The following ADH1C variants were observed in gnomAD, a reference collection of about 807,000 sequenced individuals.
ADH1C encodes alcohol dehydrogenase 1C (class I), gamma polypeptide.
A neutral mutation model predicts 35.0 loss-of-function variants in ADH1C; 26 were observed. That is an observed-to-expected ratio of 0.74 (90% CI 0.54 to 1.03). The LOEUF (loss-of-function observed/expected upper bound fraction) is 1.03. Ranked by LOEUF, ADH1C falls within the 50% of genes least tolerant of loss-of-function variation. The pLI is 0.00. For synonymous variants in ADH1C, 170 were observed against 169.3 expected (o/e 1.00, Z -0.03); for missense variants, 413 against 465.4 (o/e 0.89, Z 1.04).
Position 99,344,792 on chromosome 4 carries a change from A to G in ADH1C, c.567+70T>C, listed in dbSNP as rs551254289. On this transcript the variant is annotated intron_variant, in intron 5 of 8. Coordinates refer to ENST00000515683, the MANE Select transcript of ADH1C (RefSeq NM_000669.5). ...ACAAAAATAATTTCTGATTCTTGCA[A>G]GAAATTGCTTCCCTTTTGGTTCCTG... 7.6e-6 allele frequency: 12 copies of G among 1,581,026 alleles called. No homozygotes were observed. The South Asian group carries it at 1.2e-4, about 16-fold the overall frequency.
intron 1 of ADH1C, among the ~76,000 whole-genome samples, chr4:99,348,485 C>A (rs1234667096): frequency 6.6e-6 from 1 of 150,838 alleles, no homozygotes; most frequent in Non-Finnish European, 1.5e-5. Flanking sequence ...CATAGTATTC[C>A]ATGGTGTATA....
chr4:99,346,919 G>A (rs565220194), intron 3 of ADH1C, 87 bp downstream of exon 3: 35 of 1,548,094 alleles, frequency 2.3e-5, no homozygotes, highest in South Asian at 8.9e-5. Flanking sequence ...AAGTCCTTTC[G>A]TCTTTCATTG....
chr4:99,342,920 C>T lies in ADH1C; in HGVS notation c.703G>A (p.Glu235Lys). ...INKDKFAKAK[E>K]LGATECINPQ... is the part of the protein sequence containing the mutation. ...TTGATGCATTCAGTGGCACCCAACT[C>T]TTTAGCCTTTGCAAATTTGTCCTTG... Residue 235 changes from glutamate (E) to lysine (K), a missense_variant, in exon 6 of 9, where the codon GAG becomes AAG. Physicochemically the swap from Glu to Lys is moderately conservative, Grantham distance 56 (BLOSUM62 1). Transcript: ENST00000515683. 6.2e-7 allele frequency: 1 copy of T among 1,614,144 alleles called. No homozygotes were observed. Among genetic ancestry groups the T allele is most frequent in the Non-Finnish European group, 8.5e-7 (1 of 1,180,026 alleles).
In ADH1C at chr4:99,340,692, A is replaced by G. The variant is rs951933118; in HGVS notation, c.847T>C (p.Cys283Arg). The change falls in exon 7 of 9, where the codon TGT (cysteine) becomes CGT (arginine). Residue 283 changes from cysteine (C) to arginine (R), a missense_variant. Coordinates refer to ENST00000515683, the MANE Select transcript of ADH1C (RefSeq NM_000669.5). Reference protein sequence around the residue: ...LDTMMASLLCCHEACGTSVIV... With the variant: ...LDTMMASLLCRHEACGTSVIV... ...ACACTTGTGCCACATGCCTCATGAC[A>G]ACATAACAGGGAAGCCATCTGGAAT... The G allele has an allele frequency of 1.9e-6, 3 of 1,612,808 alleles. No individual in the cohort carries two copies. Among genetic ancestry groups the G allele is most frequent in the Admixed American group, 3.3e-5 (2 of 60,022 alleles).
intron 7 of ADH1C, among the ~76,000 whole-genome samples, chr4:99,340,050 T>C (rs1325860365): frequency 6.6e-6 from 1 of 152,212 alleles, no homozygotes; most frequent in African/African-American, 2.4e-5. Flanking sequence ...AGAAATTTCC[T>C]TGCCTTACGC....
At position 99,347,737 on chromosome 4, in the gene ADH1C, T is replaced by C; in HGVS notation, c.120+8A>G. 8.1e-6 allele frequency: 13 copies of C among 1,598,862 alleles called. No homozygotes were observed. The highest frequency in any genetic ancestry group is 1.2e-5 in the South Asian group (1 of 86,648). On this transcript the variant is annotated splice_region_variant and intron_variant, in intron 2 of 8. Coordinates refer to ENST00000515683, the MANE Select transcript of ADH1C (RefSeq NM_000669.5). ...TAAAATTAAATACAAATGGAAAAAGTATTTCACCTTAATGCGAACTTCATG... is the reference window on the plus strand; with the variant it reads ...TAAAATTAAATACAAATGGAAAAAGCATTTCACCTTAATGCGAACTTCATG...
At chr4:99,339,786 A>G in intron 7 of ADH1C, 71 bp from the exon 8 acceptor site, 2 of 1,474,836 alleles carry the variant, frequency 1.4e-6, no homozygotes, top group Non-Finnish European at 9.2e-7. Context: ...AGATTTTCCA[A>G]ATAAATGAAA....
At chr4:99,343,972 A>G (rs1734470413) in intron 5 of ADH1C, among the ~76,000 whole-genome samples, 1 of 152,188 alleles carries the variant, frequency 6.6e-6, no homozygotes, top group Non-Finnish European at 1.5e-5. Context: ...ACCAAGTGTT[A>G]TTCAATACTA....
At position 99,345,279 on chromosome 4, in the gene ADH1C, AAAAC is replaced by A. The variant is rs1734506659; in HGVS notation, c.260-17_260-14del. The A allele has an allele frequency of 1.1e-5, 18 of 1,607,650 alleles. No homozygotes were observed. The highest frequency in any genetic ancestry group is 1.5e-5 in the Non-Finnish European group (18 of 1,175,472). ...ATGACTTTATCACCTGCAGAGGAAT[AAAAC>A]AAATTCTTCTTAAATTTCTATGCAG... On this transcript the variant is annotated splice_polypyrimidine_tract_variant and intron_variant, in intron 3 of 8. Transcript: ENST00000515683.
chr4:99,344,411 G>A (rs923122097), intron 5 of ADH1C, among the ~76,000 whole-genome samples: 2 of 152,174 alleles, frequency 1.3e-5, no homozygotes, highest in African/African-American at 4.8e-5. Flanking sequence ...ATCAGGTAAG[G>A]TTTTGGACTC....
rs1314393727 is a variant in ADH1C at position 99,343,468 on chromosome 4, C to T, written c.568-413G>A. 1.3e-5 allele frequency among the ~76,000 whole-genome samples: 2 copies of T among 152,266 alleles called. 1 individual carries two copies. The highest frequency in any genetic ancestry group is 4.1e-4 in the South Asian group (2 of 4,824). On this transcript the variant is annotated intron_variant, in intron 5 of 8. Transcript: ENST00000515683. ...CTCAATTGCTGAAATCCCTTGATAG[C>T]CAGCTTCAGTATCTCATACATACAC...
intron 1 of ADH1C, among the ~76,000 whole-genome samples, chr4:99,348,805 T>G (rs2110662858): frequency 6.6e-6 from 1 of 152,300 alleles, no homozygotes; most frequent in Non-Finnish European, 1.5e-5. Context: ...CCTGACTTTT[T>G]AATGACTGCC....
rs1236028076 is a variant in ADH1C at position 99,345,241 on chromosome 4, A to T, written c.285T>A (p.Thr95=). ...KPGDKVIPLF[T]PQCGKCRICK... ...AAATTCTGCATTTTCCACACTGAGG[A>T]GTAAAGAGCGGGATGACTTTATCAC... The change falls in exon 4 of 9, where the codon ACT becomes ACA. Residue 95 remains threonine, a synonymous_variant. Transcript: ENST00000515683. The T allele has an allele frequency of 5.6e-6, 9 of 1,613,930 alleles. No homozygotes were observed. In the Admixed American group the frequency reaches 8.3e-5, roughly 15 times the overall value.
chr4:99,352,617 G>A (rs755298886), intron 1 of ADH1C, 41 bp downstream of exon 1: 2 of 1,525,678 alleles, frequency 1.3e-6, no homozygotes, highest in African/African-American at 2.7e-5. Flanking sequence ...TTGTTATATT[G>A]AAGAGAATAT....
At chr4:99,345,667 T>C (rs995442357) in intron 3 of ADH1C, among the ~76,000 whole-genome samples, 1 of 152,228 alleles carries the variant, frequency 6.6e-6, no homozygotes, top group Non-Finnish European at 1.5e-5. Context: ...CCTATTTTAG[T>C]CCTAGTAGAT....
At chr4:99,344,211 T>C (rs528480639) in intron 5 of ADH1C, among the ~76,000 whole-genome samples, 6 of 152,328 alleles carry the variant, frequency 3.9e-5, no homozygotes, top group Admixed American at 6.5e-5. Context: ...AGATTTTCAG[T>C]CTACTCAGAT....
intron 6 of ADH1C, among the ~76,000 whole-genome samples, chr4:99,341,687 T>G (rs747964765): frequency 3.3e-5 from 5 of 152,194 alleles, no homozygotes; most frequent in Admixed American, 6.5e-5. Flanking sequence ...ACTTTTTTGT[T>G]TCTGGAGACT....
intron 8 of ADH1C, among the ~76,000 whole-genome samples, chr4:99,338,017 T>C (rs1392025582): frequency 6.6e-6 from 1 of 151,960 alleles, no homozygotes; most frequent in East Asian, 1.9e-4. Flanking sequence ...ATAGAATAGA[T>C]TTCTAGAAAT....
intron 8 of ADH1C, among the ~76,000 whole-genome samples, chr4:99,337,552 A>G (rs972565656): frequency 1.3e-5 from 2 of 152,110 alleles, no homozygotes; most frequent in African/African-American, 4.8e-5. Context: ...AACACTTTTA[A>G]GAAAAGAAGA....
Sources: allele counts gnomAD v4.1 joint callset (sites outside exome capture counted in the v4.1 genomes callset), GRCh38; gene constraint gnomAD v4.1.1; transcripts MANE v1.5; gene names NCBI Gene and HGNC (gene_info 2026-07-23, HGNC 2026-07-21).